SLC3A2: variants seen among roughly 807,000 people sequenced by gnomAD.
SLC3A2 encodes amino acid transporter heavy chain SLC3A2.
SLC3A2 carries 32 observed loss-of-function variants against 48.5 expected under a neutral mutation model. The observed-to-expected ratio is 0.66, with a 90% CI of 0.50 to 0.89. The LOEUF is 0.89. Among genes scored for constraint, SLC3A2 ranks in the 40% least tolerant of loss-of-function variants. SLC3A2 has a pLI of 0.00. For synonymous variants in SLC3A2, 277 were observed against 288.8 expected, an observed-to-expected ratio of 0.96 and a Z score of 0.41; for missense variants, 587 against 680.7, an observed-to-expected ratio of 0.86 and a Z score of 1.53.
rs1274908423 is a variant in SLC3A2 at position 62,881,140 on chromosome 11, G to A, written c.117G>A (p.Lys39=). ...CCATGTCCCTGGCGGGAGCCGAGAAGAATGGTCTGGTGAAGATCAAGGTGG... is the reference window on the plus strand; with the variant it reads ...CCATGTCCCTGGCGGGAGCCGAGAAAAATGGTCTGGTGAAGATCAAGGTGG... ...GAAMSLAGAE[K]NGLVKIKVAE... The change falls in exon 1 of 9, where the codon AAG becomes AAA. Residue 39 remains lysine, a synonymous_variant. Coordinates refer to ENST00000338663, the MANE Select transcript of SLC3A2 (RefSeq NM_001013251.3). The surrounding 1 kb of genome is among the most constrained non-coding windows in gnomAD (Gnocchi z 4.0). 1.2e-5 allele frequency: 19 copies of A among 1,603,728 alleles called. No homozygotes were observed. Among genetic ancestry groups the A allele is most frequent in the East Asian group, 4.5e-5 (2 of 44,478 alleles).
At chr11:62,856,611 C>T (rs1413724201) in intron 1 of SLC3A2, among the ~76,000 whole-genome samples, 2 of 152,152 alleles carry the variant, frequency 1.3e-5, no homozygotes, top group East Asian at 1.9e-4. Context: ...ATCGATTAAT[C>T]CACCAAAATC....
In SLC3A2 at chr11:62,881,081, G is replaced by T. The variant is rs1331635342; in HGVS notation, c.58G>T (p.Glu20Ter). Reference protein sequence around the residue: ...KEVELNELEPEKQPMNAASGA... With the variant: ...KEVELNELEP ...GGTGGAGCTGAATGAGTTAGAGCCC[G>T]AGAAGCAGCCGATGAACGCGGCGTC... Residue 20 changes from glutamate to a stop codon, truncating the protein, a stop_gained, in exon 1 of 9, where the codon GAG becomes TAG. Coordinates refer to ENST00000338663, the MANE Select transcript of SLC3A2 (RefSeq NM_001013251.3). LOFTEE classifies it high-confidence loss of function. This position sits in a 1 kb window ranked among gnomAD's most constrained non-coding sequence, Gnocchi z 4.0. 1 of 1,608,830 alleles carries T rather than the reference G, an allele frequency of 6.2e-7. No homozygotes were observed. Among genetic ancestry groups the T allele is most frequent in the South Asian group, 1.1e-5 (1 of 89,932 alleles).
chr11:62,874,922 G>C (rs1268989324), intron 1 of SLC3A2, among the ~76,000 whole-genome samples: 2 of 151,944 alleles, frequency 1.3e-5, no homozygotes, highest in East Asian at 3.8e-4. Flanking sequence ...GCCATCGTGT[G>C]CGACTAATTT....
At chr11:62,860,670 T>A (rs1359549221) in intron 1 of SLC3A2, among the ~76,000 whole-genome samples, 1 of 152,110 alleles carries the variant, frequency 6.6e-6, no homozygotes, top group Non-Finnish European at 1.5e-5. Context: ...CCTTTATGGG[T>A]GTCTGGGGGA....
intron 5 of SLC3A2, among the ~76,000 whole-genome samples, 172 bp downstream of exon 5, chr11:62,884,862 G>C (rs12366036): frequency 2.5e-4 from 21 of 83,956 alleles, no homozygotes; most frequent in Admixed American, 8.7e-4. Context: ...ATGGAGTTCC[G>C]CTCTTTTTGC....
At chr11:62,856,436 G>C in intron 1 of SLC3A2, 1 of 1,464,188 alleles carries the variant, frequency 6.8e-7, no homozygotes. Flanking sequence ...GGGCCATTTC[G>C]GGAAAGTATG....
Position 62,880,901 on chromosome 11 carries a change from C to A in SLC3A2, c.-123C>A, listed in dbSNP as rs2085624526. 6.9e-7 allele frequency: 1 copy of A among 1,444,470 alleles called. No homozygotes were observed. The highest frequency in any genetic ancestry group is 9.1e-7 in the Non-Finnish European group (1 of 1,098,522). The allele number at this position is 1,444,470 out of a possible 1,614,324, so 89.5% of individuals were successfully genotyped here. On this transcript the variant is annotated 5_prime_UTR_variant, in exon 1 of 9. Coordinates refer to ENST00000338663, the MANE Select transcript of SLC3A2 (RefSeq NM_001013251.3). ...GGCCGCGCCTGCTGCTGAGCAGATG[C>A]AGTAGCCGAAACTGCGCGGAGGCAC... is the stretch of plus-strand genomic sequence containing the variant.
chr11:62,881,634 C>T lies in SLC3A2; in HGVS notation c.424+187C>T. 1 of 972,176 alleles carries T rather than the reference C, an allele frequency of 1.0e-6. No homozygotes were observed. Among genetic ancestry groups the T allele is most frequent in the Non-Finnish European group, 1.5e-6 (1 of 678,628 alleles). 60.2% of individuals were successfully genotyped at this position (972,176 alleles called of 1,614,324 possible). A position where few individuals can be genotyped will look rare whatever the true frequency, so the allele number is the denominator to read the frequency against. On this transcript the variant is annotated intron_variant, in intron 1 of 8. Transcript: ENST00000338663. This position sits in a 1 kb window ranked among gnomAD's most constrained non-coding sequence, Gnocchi z 4.0. ...CCTCCTTTCTTTGAAGAAAGCCGAC[C>T]CGCCCCTCACTCCGTCACGAGGGTG...
intron 1 of SLC3A2, among the ~76,000 whole-genome samples, chr11:62,859,032 T>C (rs2085369383): frequency 6.6e-6 from 1 of 152,102 alleles, no homozygotes; most frequent in Non-Finnish European, 1.5e-5. Context: ...CATGCCTTCC[T>C]CTTATACTAA....
chr11:62,871,769 C>T (rs2085519807), intron 1 of SLC3A2: 1 of 407,168 alleles, frequency 2.5e-6, no homozygotes, highest in Admixed American at 4.1e-5. Context: ...TATTCTCTGC[C>T]CTTTTCTCTT....
intron 1 of SLC3A2, among the ~76,000 whole-genome samples, chr11:62,862,210 G>A (rs1225405960): frequency 6.6e-6 from 1 of 150,828 alleles, no homozygotes; most frequent in Non-Finnish European, 1.5e-5. Flanking sequence ...CCAGCTACTC[G>A]GGAGGCTGAG....
At chr11:62,860,228 G>A (rs1379518848) in intron 1 of SLC3A2, among the ~76,000 whole-genome samples, 2 of 152,120 alleles carry the variant, frequency 1.3e-5, no homozygotes, top group Non-Finnish European at 2.9e-5. Flanking sequence ...TTGGCCGGGC[G>A]CGGTGGCTCA....
chr11:62,874,115 G>A (rs1409761362), intron 1 of SLC3A2, among the ~76,000 whole-genome samples: 1 of 150,420 alleles, frequency 6.6e-6, no homozygotes, highest in Non-Finnish European at 1.5e-5. Flanking sequence ...CTCTTCCTCA[G>A]AGTGTGATGA....
At chr11:62,882,263 G>C in intron 2 of SLC3A2, 197 bp downstream of exon 2, 2 of 619,866 alleles carry the variant, frequency 3.2e-6, no homozygotes, top group East Asian at 2.9e-5. Context: ...GTGGAATCTT[G>C]AGCAGGTCAT....
chr11:62,887,969 A>AT, intron 7 of SLC3A2, 166 bp from the exon 8 acceptor site: 1 of 596,098 alleles, frequency 1.7e-6, no homozygotes, highest in Non-Finnish European at 3.0e-6. Context: ...ATTTTTAAAA[A>AT]TTTTGTAGTA....
chr11:62,880,150 G>A (rs1468302474), upstream of SLC3A2, among the ~76,000 whole-genome samples: 1 of 152,174 alleles, frequency 6.6e-6, no homozygotes, highest in Non-Finnish European at 1.5e-5. Context: ...GCTAGCAGCT[G>A]GGGGTGGGGT....
chr11:62,885,657 C>A (rs1489198597), intron 7 of SLC3A2, 49 bp downstream of exon 7: 5 of 1,597,304 alleles, frequency 3.1e-6, no homozygotes, highest in South Asian at 2.2e-5. Flanking sequence ...ATCCATCTTA[C>A]AATGATGATT....
intron 7 of SLC3A2, among the ~76,000 whole-genome samples, chr11:62,885,848 G>C (rs970028444): frequency 6.6e-6 from 1 of 152,180 alleles, no homozygotes; most frequent in Non-Finnish European, 1.5e-5. Flanking sequence ...GTTTTTAATG[G>C]TAATGCCTGG....
chr11:62,879,814 T>A (rs1052174438), upstream of SLC3A2, among the ~76,000 whole-genome samples: 2 of 152,242 alleles, frequency 1.3e-5, no homozygotes, highest in Non-Finnish European at 2.9e-5. Context: ...ACGGTGTTGA[T>A]GTCCGGTAGT....
Sources: allele counts gnomAD v4.1 joint callset (sites outside exome capture counted in the v4.1 genomes callset), GRCh38; gene constraint gnomAD v4.1.1; non-coding constraint Gnocchi (gnomAD v3.1); transcripts MANE v1.5; gene names NCBI Gene and HGNC (gene_info 2026-07-23, HGNC 2026-07-21).